The following FAM98B variants were observed in gnomAD, a reference collection of about 807,000 sequenced individuals.
FAM98B encodes tRNA-splicing ligase complex subunit FAM98B.
In FAM98B, 32 loss-of-function variants were observed where a neutral mutation model predicts 43.9. The observed-to-expected ratio is 0.73, with a 90% CI of 0.55 to 0.98. The LOEUF is 0.98. Among genes scored for constraint, FAM98B ranks in the 50% least tolerant of loss-of-function variants. FAM98B has a pLI of 0.00. For synonymous variants in FAM98B, 190 were observed against 174.0 expected, an observed-to-expected ratio of 1.09 and a Z score of -0.72; for missense variants, 514 against 522.9, an observed-to-expected ratio of 0.98 and a Z score of 0.17.
At chr15:38,466,864 TAC>T (rs1299291396) in intron 3 of FAM98B, among the ~76,000 whole-genome samples, 1 of 152,162 alleles carries the variant, frequency 6.6e-6, no homozygotes, top group Non-Finnish European at 1.5e-5. Context: ...TCTGTGTACA[TAC>T]ACACAACACT....
Position 38,485,837 on chromosome 15 carries a change from G to A in FAM98B, c.*1178G>A. On this transcript the variant is annotated 3_prime_UTR_variant, in exon 8 of 8. Coordinates refer to ENST00000397609, the MANE Select transcript of FAM98B (RefSeq NM_173611.4). ...CTATTTTGAATGCTTTAAGATGTAG[G>A]CCAAGTAATGTATTTTTCTCTTAGT... The A allele has an allele frequency of 6.6e-6, 1 of 151,956 alleles. No individual in the cohort carries two copies. Among genetic ancestry groups the A allele is most frequent in the East Asian group, 1.9e-4 (1 of 5,198 alleles). The allele number at this position is 151,956 out of a possible 1,614,324, so 9.4% of individuals were successfully genotyped here.
intron 1 of FAM98B, chr15:38,459,046 G>A: frequency 2.9e-6 from 1 of 344,604 alleles, no homozygotes. Context: ...TCCGTCACAG[G>A]GTTGGCATAC....
intron 1 of FAM98B, among the ~76,000 whole-genome samples, chr15:38,457,893 G>T (rs1399919435): frequency 6.6e-6 from 1 of 151,752 alleles, no homozygotes; most frequent in Non-Finnish European, 1.5e-5. Flanking sequence ...CCTACTATCT[G>T]ACCTTAAGGC....
chr15:38,470,514 A>G (rs1475038991), intron 4 of FAM98B, 109 bp downstream of exon 4: 4 of 1,031,348 alleles, frequency 3.9e-6, no homozygotes, highest in Non-Finnish European at 5.4e-6. Flanking sequence ...ATTTTATTTC[A>G]AGAGTTTATC....
intron 3 of FAM98B, among the ~76,000 whole-genome samples, chr15:38,468,689 G>A (rs1451993981): frequency 6.6e-6 from 1 of 152,134 alleles, no homozygotes; most frequent in East Asian, 1.9e-4. Context: ...CCTCAATCTT[G>A]CCTGACCTTG....
rs780403041 is a variant in FAM98B at position 38,481,317 on chromosome 15, T to A, written c.755T>A (p.Ile252Asn). ...GTAAAAACAGATGATATAGCAAGAA[T>A]TTATCAGCCTAAGCGTTATGCTTTG... ...AKVKTDDIAR[I>N]YQPKRYALSP... Residue 252 changes from isoleucine (I) to asparagine (N), a missense_variant, in exon 7 of 8, where the codon ATT becomes AAT. Around this residue, in one of 2 missense-constraint regions of FAM98B, gnomAD observed 469 missense variants for 451.8 expected, o/e 1.04. Coordinates refer to ENST00000397609, the MANE Select transcript of FAM98B (RefSeq NM_173611.4). 3.7e-6 allele frequency: 6 copies of A among 1,613,968 alleles called. No individual in the cohort carries two copies. In the African/African-American group the frequency reaches 8.0e-5, roughly 22 times the overall value.
Position 38,485,487 on chromosome 15 carries a change from G to C in FAM98B, c.*828G>C, listed in dbSNP as rs976881439. On this transcript the variant is annotated 3_prime_UTR_variant, in exon 8 of 8. Coordinates refer to ENST00000397609, the MANE Select transcript of FAM98B (RefSeq NM_173611.4). ...GCTGACCTGTATCACACAGAATTAA[G>C]GCAGTAATTTTCTGCTTCAGTAGAT... The C allele has an allele frequency of 3.7e-4, 57 of 152,270 alleles. No individual in the cohort carries two copies. The highest frequency in any genetic ancestry group is 1.4e-3 in the African/African-American group (57 of 41,564). 9.4% of individuals were successfully genotyped at this position (152,270 alleles called of 1,614,324 possible). A position where few individuals can be genotyped will look rare whatever the true frequency, so the allele number is the denominator to read the frequency against.
intron 6 of FAM98B, among the ~76,000 whole-genome samples, chr15:38,476,153 T>C (rs1366438318): frequency 6.6e-6 from 1 of 152,232 alleles, no homozygotes; most frequent in Non-Finnish European, 1.5e-5. Flanking sequence ...CACATTTGAA[T>C]ATAAAATTCT....
Position 38,481,310 on chromosome 15 carries a change from G to A in FAM98B, c.748G>A (p.Ala250Thr), listed in dbSNP as rs1235259431. 6.2e-7 allele frequency: 1 copy of A among 1,613,692 alleles called. No homozygotes were observed. Among genetic ancestry groups the A allele is most frequent in the South Asian group, 1.1e-5 (1 of 91,044 alleles). ...CATTTAGGTAAAAACAGATGATATAGCAAGAATTTATCAGCCTAAGCGTTA... is the reference window on the plus strand; with the variant it reads ...CATTTAGGTAAAAACAGATGATATAACAAGAATTTATCAGCCTAAGCGTTA... ...DRAKVKTDDIARIYQPKRYAL... is the reference protein window; with the variant it reads ...DRAKVKTDDITRIYQPKRYAL... The change falls in exon 7 of 8, where the codon GCA becomes ACA. Residue 250 changes from alanine (A) to threonine (T), a missense_variant. Ala to Thr is a moderately conservative substitution (Grantham distance 58). Coordinates refer to ENST00000397609, the MANE Select transcript of FAM98B (RefSeq NM_173611.4).
In FAM98B at chr15:38,454,200, G is replaced by A. The variant is rs1212819213; in HGVS notation, c.39G>A (p.Glu13=). 5 of 1,604,424 alleles carry A rather than the reference G, an allele frequency of 3.1e-6. No homozygotes were observed. The South Asian group carries it at 3.4e-5, about 11-fold the overall frequency. The change falls in exon 1 of 8, where the codon GAG becomes GAA. Residue 13 remains glutamate, a synonymous_variant. Transcript: ENST00000397609. ...GPEPGPQPTM[E]GDVLDTLEAL... The stretch of plus-strand genomic sequence containing the variant: ...AGCCGGGTCCCCAACCGACGATGGA[G>A]GGAGACGTGCTGGACACACTGGAGG...
At chr15:38,468,573 A>G (rs2141056237) in intron 3 of FAM98B, among the ~76,000 whole-genome samples, 1 of 152,288 alleles carries the variant, frequency 6.6e-6, no homozygotes, top group Non-Finnish European at 1.5e-5. Flanking sequence ...TCATAAGGAA[A>G]GTTTAATATT....
chr15:38,456,818 A>G (rs1001117066), intron 1 of FAM98B, among the ~76,000 whole-genome samples: 2 of 152,236 alleles, frequency 1.3e-5, no homozygotes, highest in Non-Finnish European at 2.9e-5. Context: ...AGCTTGCTGT[A>G]TTAGAAGAAC....
Position 38,484,486 on chromosome 15 carries a change from G to T in FAM98B, c.1129G>T (p.Gly377Trp). ...GGGGGGGGGW[G>W]GGGGGGRGGF... ...TGGTGGGGGAGGGGGAGGAGGGTGG[G>T]GGGGAGGAGGAGGAGGTGGTAGAGG... Residue 377 changes from glycine (G) to tryptophan (W), a missense_variant, in exon 8 of 8, where the codon GGG (glycine) becomes TGG (tryptophan). Physicochemically the swap from Gly to Trp is radical, Grantham distance 184. Around this residue, in one of 2 missense-constraint regions of FAM98B, gnomAD observed 469 missense variants for 451.8 expected, o/e 1.04. Transcript: ENST00000397609. The T allele has an allele frequency of 4.2e-6, 4 of 962,036 alleles. No homozygotes were observed. Among genetic ancestry groups the T allele is most frequent in the South Asian group, 3.9e-5 (2 of 51,148 alleles). The allele number at this position is 962,036 out of a possible 1,614,324, so 59.6% of individuals were successfully genotyped here. A position where few individuals can be genotyped will look rare whatever the true frequency, so the allele number is the denominator to read the frequency against.
At chr15:38,467,395 T>G (rs1890052521) in intron 3 of FAM98B, among the ~76,000 whole-genome samples, 3 of 152,186 alleles carry the variant, frequency 2.0e-5, no homozygotes. Flanking sequence ...ACATAAGACA[T>G]GAACACGCAT....
chr15:38,464,126 G>C lies in FAM98B; in HGVS notation c.166G>C (p.Gly56Arg), dbSNP rs1333750496. 1.2e-6 allele frequency: 2 copies of C among 1,613,334 alleles called. No individual in the cohort carries two copies. The highest frequency in any genetic ancestry group is 1.7e-6 in the Non-Finnish European group (2 of 1,179,634). Reference protein sequence around the residue: ...PEFSELCIWLGSQIKSLCNLE... With the variant: ...PEFSELCIWLRSQIKSLCNLE... The stretch of plus-strand genomic sequence containing the variant: ...ATTTTCAGAGCTCTGTATTTGGTTA[G>C]GCTCTCAAATAAAATCATTATGCAA... Residue 56 changes from glycine (G) to arginine (R), a missense_variant, in exon 2 of 8, where the codon GGC (glycine) becomes CGC (arginine). Around this residue, in one of 2 missense-constraint regions of FAM98B, gnomAD observed 469 missense variants for 451.8 expected, o/e 1.04. Coordinates refer to ENST00000397609, the MANE Select transcript of FAM98B (RefSeq NM_173611.4).
intron 6 of FAM98B, among the ~76,000 whole-genome samples, chr15:38,475,698 T>C (rs1189811621): frequency 6.6e-6 from 1 of 152,064 alleles, no homozygotes; most frequent in Non-Finnish European, 1.5e-5. Context: ...CAGAATAACC[T>C]CTCCATCTCA....
At chr15:38,458,907 AGTT>A in intron 1 of FAM98B, 2 of 439,136 alleles carry the variant, frequency 4.6e-6, no homozygotes, top group Non-Finnish European at 9.1e-6. Flanking sequence ...GAAGCAGACA[AGTT>A]GTCCAGGATG....
chr15:38,473,726 A>G, intron 5 of FAM98B, 141 bp downstream of exon 5: 3 of 641,612 alleles, frequency 4.7e-6, no homozygotes, highest in East Asian at 2.9e-5. Context: ...TTCTGGAGTA[A>G]TATGTCCTAA....
intron 3 of FAM98B, among the ~76,000 whole-genome samples, chr15:38,467,691 A>C (rs1472030933): frequency 6.6e-6 from 1 of 152,204 alleles, no homozygotes; most frequent in Non-Finnish European, 1.5e-5. Flanking sequence ...CCAAGTGTAC[A>C]AAGATAAATG....
Sources: gnomAD v4.1 joint callset for allele counts (sites outside exome capture counted in the v4.1 genomes callset) on GRCh38, gnomAD v4.1.1 for gene constraint, gnomAD v4.1.1 regional missense constraint, MANE v1.5 for transcripts, NCBI Gene and HGNC (gene_info 2026-07-23, HGNC 2026-07-21) for gene names.